The following EPHA3 variants were observed in gnomAD, a reference collection of about 807,000 sequenced individuals.
EPHA3 encodes EPH receptor A3.
Under a neutral mutation model 107.1 loss-of-function variants are expected in EPHA3, and 42 were observed. The ratio of observed to expected loss-of-function variants is 0.39; its 90% CI spans 0.31 to 0.51. The LOEUF (loss-of-function observed/expected upper bound fraction) is 0.51. EPHA3 is among the 20% of genes least tolerant of loss of function. The probability of loss-of-function intolerance (pLI) is 0.78; values close to 1 mark genes in which losing one functional copy is unlikely to be tolerated. For synonymous variants in EPHA3, 461 were observed against 424.8 expected, an observed-to-expected ratio of 1.09 and a Z score of -1.05; for missense variants, 1,183 against 1,211.2, an observed-to-expected ratio of 0.98 and a Z score of 0.35.
intron 3 of EPHA3, among the ~76,000 whole-genome samples, chr3:89,276,501 A>G (rs1285317480): frequency 6.6e-6 from 1 of 152,136 alleles, no homozygotes; most frequent in Non-Finnish European, 1.5e-5. Context: ...AGTTCTGATA[A>G]TATAGCATTG....
chr3:89,122,762 G>A (rs1382550540), intron 1 of EPHA3, among the ~76,000 whole-genome samples: 3 of 152,170 alleles, frequency 2.0e-5, no homozygotes, highest in East Asian at 3.9e-4. Flanking sequence ...TTTTTAATCC[G>A]CCCTCACTAA....
At chr3:89,384,957 A>G (rs545421860) in intron 5 of EPHA3, among the ~76,000 whole-genome samples, 1 of 152,328 alleles carries the variant, frequency 6.6e-6, no homozygotes, top group East Asian at 1.9e-4. Flanking sequence ...AATATTGTAG[A>G]ACATCCCAGA....
At chr3:89,191,178 G>A (rs72921751) in intron 2 of EPHA3, among the ~76,000 whole-genome samples, 2,234 of 152,200 alleles carry the variant, frequency 0.015, 65 homozygotes, top group African/African-American at 0.051. Flanking sequence ...TTGAGCCACA[G>A]TGCTTATTAA....
At chr3:89,327,665 T>G (rs1233066018) in intron 3 of EPHA3, among the ~76,000 whole-genome samples, 1 of 152,122 alleles carries the variant, frequency 6.6e-6, no homozygotes, top group African/African-American at 2.4e-5. Flanking sequence ...GGGGACAGTA[T>G]GGAAAGTTTT....
At chr3:89,130,647 T>G (rs1231723458) in intron 2 of EPHA3, among the ~76,000 whole-genome samples, 1 of 151,480 alleles carries the variant, frequency 6.6e-6, no homozygotes, top group Non-Finnish European at 1.5e-5. Context: ...TTTTTTTTCT[T>G]TTTTTGAAAT....
intron 5 of EPHA3, among the ~76,000 whole-genome samples, chr3:89,362,937 A>G (rs1708122487): frequency 1.3e-5 from 2 of 151,020 alleles, no homozygotes; most frequent in African/African-American, 2.4e-5. Flanking sequence ...TTCCTCCTAG[A>G]GTTTTACTAA....
intron 3 of EPHA3, among the ~76,000 whole-genome samples, chr3:89,286,352 G>A (rs1706082981): frequency 6.6e-6 from 1 of 151,880 alleles, no homozygotes; most frequent in Non-Finnish European, 1.5e-5. Flanking sequence ...TGAAATCAGA[G>A]CCGTTGTAGC....
intron 15 of EPHA3, among the ~76,000 whole-genome samples, chr3:89,459,491 C>CTCCT (rs58738148): frequency 0.11 from 14,363 of 126,202 alleles, 827 homozygotes; most frequent in African/African-American, 0.19. Context: ...CCTTCCTTCT[C>CTCCT]TCCTTCCTTC....
At position 89,481,580 on chromosome 3, in the gene EPHA3, A is replaced by C; in HGVS notation, c.*2078A>C. ...CCCATGCATTTCATAAACTAATAGA[A>C]GTTGAGGATTGTTGAATCTATTTCA... is the stretch of plus-strand genomic sequence containing the variant. On this transcript the variant is annotated 3_prime_UTR_variant, in exon 17 of 17. Transcript: ENST00000336596. The C allele has an allele frequency of 4.3e-6, 1 of 232,674 alleles. No homozygotes were observed. Among genetic ancestry groups the C allele is most frequent in the Non-Finnish European group, 8.5e-6 (1 of 117,484 alleles). 14.4% of individuals were successfully genotyped at this position (232,674 alleles called of 1,614,324 possible).
At chr3:89,360,203 C>G in intron 5 of EPHA3, among the ~76,000 whole-genome samples, 1 of 150,788 alleles carries the variant, frequency 6.6e-6, no homozygotes, top group East Asian at 1.9e-4. Context: ...GTGCTTAAAT[C>G]AAGCCTCTCT....
chr3:89,179,667 T>TTA (rs1553659202), intron 2 of EPHA3, among the ~76,000 whole-genome samples: 2 of 143,598 alleles, frequency 1.4e-5, no homozygotes, highest in Non-Finnish European at 3.0e-5. Context: ...TTAAAGTCTG[T>TTA]AAAAAAAAAA....
intron 3 of EPHA3, among the ~76,000 whole-genome samples, chr3:89,230,856 A>ACACC (rs1559611204): frequency 2.8e-5 from 4 of 142,820 alleles, no homozygotes; most frequent in African/African-American, 8.1e-5. Flanking sequence ...ACACACACAC[A>ACACC]CCTTTGCTTT....
At chr3:89,333,529 C>T (rs2107402547) in intron 3 of EPHA3, among the ~76,000 whole-genome samples, 1 of 152,224 alleles carries the variant, frequency 6.6e-6, no homozygotes, top group South Asian at 2.1e-4. Context: ...ACTAACTCGG[C>T]ACTTAAACTT....
intron 3 of EPHA3, among the ~76,000 whole-genome samples, chr3:89,294,730 C>G (rs1333833947): frequency 1.3e-5 from 2 of 152,122 alleles, no homozygotes; most frequent in Non-Finnish European, 2.9e-5. Context: ...ATATAGAGCA[C>G]AGTTATATTC....
At chr3:89,158,003 T>C (rs1207721663) in intron 2 of EPHA3, among the ~76,000 whole-genome samples, 1 of 152,022 alleles carries the variant, frequency 6.6e-6, no homozygotes, top group Non-Finnish European at 1.5e-5. Context: ...TCCACCTCAG[T>C]TGAAAGAGCC....
intron 3 of EPHA3, among the ~76,000 whole-genome samples, chr3:89,309,976 A>T (rs1706724927): frequency 6.6e-6 from 1 of 151,876 alleles, no homozygotes; most frequent in Non-Finnish European, 1.5e-5. Flanking sequence ...ACTTGGAAGC[A>T]AACTAAATGC....
At chr3:89,385,421 T>TC (rs1708595488) in intron 5 of EPHA3, among the ~76,000 whole-genome samples, 1 of 152,200 alleles carries the variant, frequency 6.6e-6, no homozygotes, top group Non-Finnish European at 1.5e-5. Flanking sequence ...TAGTGAGTTC[T>TC]CGCAAGATCT....
chr3:89,155,652 A>G (rs1704786649), intron 2 of EPHA3, among the ~76,000 whole-genome samples: 1 of 152,144 alleles, frequency 6.6e-6, no homozygotes, highest in East Asian at 1.9e-4. Flanking sequence ...TAAAAGCTAA[A>G]AAGTAAAGCA....
intron 5 of EPHA3, among the ~76,000 whole-genome samples, chr3:89,351,264 G>A (rs1707810192): frequency 6.6e-6 from 1 of 151,296 alleles, no homozygotes; most frequent in Admixed American, 6.6e-5. Context: ...CTAGCAATCA[G>A]CGAGATTCCG....
Sources: allele counts gnomAD v4.1 joint callset (sites outside exome capture counted in the v4.1 genomes callset), GRCh38; gene constraint gnomAD v4.1.1; transcripts MANE v1.5; gene names NCBI Gene and HGNC (gene_info 2026-07-23, HGNC 2026-07-21).